The following DHRS12 variants were observed in gnomAD, a reference collection of about 807,000 sequenced individuals.
DHRS12 encodes the protein dehydrogenase/reductase SDR family member 12.
DHRS12 carries 29 observed loss-of-function variants against 32.1 expected under a neutral mutation model. The observed-to-expected ratio is 0.90, with a 90% CI of 0.67 to 1.23. The LOEUF is 1.23. Among genes scored for constraint, DHRS12 ranks in the 50% most tolerant of loss-of-function variants. The pLI is 0.00. For synonymous variants in DHRS12, 150 were observed against 135.9 expected, an observed-to-expected ratio of 1.10 and a Z score of -0.72; for missense variants, 330 against 337.2, an observed-to-expected ratio of 0.98 and a Z score of 0.17.
chr13:51,788,582 C>T (rs1008289868), intron 4 of DHRS12, among the ~76,000 whole-genome samples: 2 of 152,054 alleles, frequency 1.3e-5, no homozygotes, highest in African/African-American at 4.8e-5. Context: ...CAGTGACTCA[C>T]ACCTGTAATC....
chr13:51,787,810 A>AT (rs1429679092), intron 4 of DHRS12, among the ~76,000 whole-genome samples: 1 of 122,344 alleles, frequency 8.2e-6, no homozygotes, highest in Non-Finnish European at 1.7e-5. Context: ...ATATTTATAT[A>AT]TAATTTATAT....
intron 1 of DHRS12, among the ~76,000 whole-genome samples, chr13:51,801,902 G>T (rs1442937102): frequency 6.6e-6 from 1 of 152,172 alleles, no homozygotes; most frequent in Non-Finnish European, 1.5e-5. Context: ...TATTAGAGAC[G>T]AATGTTTGCT....
chr13:51,769,030 G>A, intron 8 of DHRS12, 126 bp downstream of exon 8: 1 of 1,456,610 alleles, frequency 6.9e-7, no homozygotes, highest in Non-Finnish European at 9.1e-7. Context: ...TCTCGCCAAA[G>A]AAGCCCAGGC....
rs144827375 is a variant in DHRS12 at position 51,782,697 on chromosome 13, G to A, written c.302-5576C>T. 1.2e-3 allele frequency among the ~76,000 whole-genome samples: 186 copies of A among 152,272 alleles called. No individual in the cohort carries two copies. The highest frequency in any genetic ancestry group is 4.3e-3 in the African/African-American group (179 of 41,556). ...CCCCTGCTGTCACAGCCGCAGTATG[G>A]GGGTCCTGTGTGCTTCACTGAGATG... On this transcript the variant is annotated intron_variant, in intron 4 of 8. Coordinates refer to ENST00000444610, the MANE Select transcript of DHRS12 (RefSeq NM_001377533.1). The surrounding 1 kb of genome is among the most constrained non-coding windows in gnomAD (Gnocchi z 4.2).
At chr13:51,766,139 C>G (rs1953741460), downstream of DHRS12, 1 of 152,242 alleles carries the variant, frequency 6.6e-6, no homozygotes, top group Non-Finnish European at 1.5e-5. Flanking sequence ...CCTAGCGTCA[C>G]TTGTAACCAT....
intron 4 of DHRS12, among the ~76,000 whole-genome samples, chr13:51,778,941 A>G (rs978697658): frequency 6.6e-6 from 1 of 152,178 alleles, no homozygotes; most frequent in African/African-American, 2.4e-5. Flanking sequence ...GTCTGTGTAT[A>G]TATATATATA....
chr13:51,781,717 G>A (rs761469962), intron 4 of DHRS12, among the ~76,000 whole-genome samples: 2 of 152,204 alleles, frequency 1.3e-5, no homozygotes, highest in Non-Finnish European at 2.9e-5. Flanking sequence ...GTGCAACCAA[G>A]GCAGCTGCAA....
At chr13:51,803,148 T>C (rs1955835366) in intron 1 of DHRS12, among the ~76,000 whole-genome samples, 1 of 152,150 alleles carries the variant, frequency 6.6e-6, no homozygotes, top group Non-Finnish European at 1.5e-5. Flanking sequence ...CAAAACGATG[T>C]GGGGTGAAGA....
chr13:51,795,904 C>T (rs1448059429), intron 2 of DHRS12, among the ~76,000 whole-genome samples: 1 of 152,166 alleles, frequency 6.6e-6, no homozygotes, highest in East Asian at 1.9e-4. Context: ...TGATACAGAG[C>T]ATGGCGGCCA....
downstream of DHRS12, chr13:51,767,927 G>A (rs761479658): frequency 5.8e-6 from 7 of 1,211,456 alleles, no homozygotes; most frequent in South Asian, 2.0e-5. Flanking sequence ...CTCAAACTTC[G>A]AATTCTTTAG....
chr13:51,772,149 CTG>C (rs1190312550), intron 6 of DHRS12, among the ~76,000 whole-genome samples: 2 of 152,156 alleles, frequency 1.3e-5, no homozygotes. Context: ...CAGCAAAACA[CTG>C]AGAGAGAAGG....
intron 4 of DHRS12, among the ~76,000 whole-genome samples, chr13:51,788,688 C>T (rs913769099): frequency 2.6e-5 from 4 of 151,788 alleles, no homozygotes; most frequent in African/African-American, 9.7e-5. Context: ...TCAACAACAA[C>T]AAAAAATTTT....
chr13:51,767,861 G>T, downstream of DHRS12: 3 of 389,102 alleles, frequency 7.7e-6, no homozygotes, highest in Non-Finnish European at 1.1e-5. Context: ...AGTTCACAGG[G>T]GGGCATTCCT....
intron 4 of DHRS12, among the ~76,000 whole-genome samples, chr13:51,781,510 C>T (rs930865649): frequency 6.6e-6 from 1 of 152,050 alleles, no homozygotes; most frequent in Non-Finnish European, 1.5e-5. Context: ...CACTCACGGT[C>T]GAGGTAAGTG....
the DHRS12 span, chr13:51,760,505 G>A: frequency 1.3e-5 from 2 of 152,112 alleles, no homozygotes; most frequent in Non-Finnish European, 2.9e-5. Flanking sequence ...TATCACAGAA[G>A]TAGATTATTT....
Position 51,769,263 on chromosome 13 carries a change from G to A in DHRS12, c.590C>T (p.Ala197Val). ...GGAGCGCAGGCGGTCCCCGAACCTGGCGTGGAACCCCGGCATCGCCTGCCT... is the reference window on the plus strand; with the variant it reads ...GGAGCGCAGGCGGTCCCCGAACCTGACGTGGAACCCCGGCATCGCCTGCCT... ...GVRQAMPGFH[A>V]RFGDRLRSEA... Residue 197 changes from alanine to valine, a missense_variant, in exon 8 of 9, where the codon GCC becomes GTC. Ala to Val is a moderately conservative substitution (Grantham distance 64). Transcript: ENST00000444610. The A allele has an allele frequency of 6.3e-7, 1 of 1,586,700 alleles. No homozygotes were observed. Among genetic ancestry groups the A allele is most frequent in the Non-Finnish European group, 8.6e-7 (1 of 1,165,836 alleles).
chr13:51,776,682 T>G (rs1479258474), intron 5 of DHRS12, among the ~76,000 whole-genome samples: 1 of 152,160 alleles, frequency 6.6e-6, no homozygotes, highest in Non-Finnish European at 1.5e-5. Flanking sequence ...TTCAACCCGC[T>G]GGGGGAGAAC....
chr13:51,801,895 T>C (rs1042084411), intron 1 of DHRS12, among the ~76,000 whole-genome samples: 1 of 152,182 alleles, frequency 6.6e-6, no homozygotes, highest in Admixed American at 6.5e-5. Flanking sequence ...TGATCCGTAT[T>C]AGAGACGAAT....
the DHRS12 span, among the ~76,000 whole-genome samples, chr13:51,757,327 A>G: frequency 6.6e-6 from 1 of 152,212 alleles, no homozygotes; most frequent in Non-Finnish European, 1.5e-5. Flanking sequence ...TTAATTCTTC[A>G]TTTTGTAGCT....
Sources: gnomAD v4.1 joint callset for allele counts (sites outside exome capture counted in the v4.1 genomes callset) on GRCh38, gnomAD v4.1.1 for gene constraint, Gnocchi (gnomAD v3.1) non-coding constraint, MANE v1.5 for transcripts, NCBI Gene and HGNC (gene_info 2026-07-23, HGNC 2026-07-21) for gene names.